Variants in TSNARE1 observed in about 807,000 individuals in gnomAD.
TSNARE1 encodes the protein t-SNARE domain containing 1, also known as t-SNARE domain-containing protein 1.
Under a neutral mutation model 62.0 loss-of-function variants are expected in TSNARE1, and 49 were observed. That is an observed-to-expected ratio of 0.79 (90% CI 0.63 to 1.00). The LOEUF (loss-of-function observed/expected upper bound fraction) is 1.00. Ranked by LOEUF, TSNARE1 falls within the 50% of genes least tolerant of loss-of-function variation. The pLI is 0.00. For missense variants in TSNARE1, 755 were observed against 700.1 expected, an observed-to-expected ratio of 1.08 and a Z score of -0.88; for synonymous variants, 328 against 294.4, an observed-to-expected ratio of 1.11 and a Z score of -1.17.
At position 142,315,176 on chromosome 8, in the gene TSNARE1, G is replaced by A. The variant is rs542889088; in HGVS notation, c.985-84C>T. On this transcript the variant is annotated intron_variant, in intron 7 of 13. Transcript: ENST00000524325. ...CACCACCCACACCTCCTCCCGTACCGATGTCCCACCTTCCCACACTCAGAA... is the reference window on the plus strand; with the variant it reads ...CACCACCCACACCTCCTCCCGTACCAATGTCCCACCTTCCCACACTCAGAA... The A allele has an allele frequency of 2.1e-5, 29 of 1,370,574 alleles. No homozygotes were observed. In the African/African-American group the frequency reaches 2.7e-4, roughly 13 times the overall value. The allele number at this position is 1,370,574 out of a possible 1,614,324, so 84.9% of individuals were successfully genotyped here.
intron 6 of TSNARE1, among the ~76,000 whole-genome samples, chr8:142,328,009 C>G (rs1830499969): frequency 6.6e-6 from 1 of 152,138 alleles, no homozygotes; most frequent in South Asian, 2.1e-4. Context: ...CGCTGCATGC[C>G]CCAGGCAGAT....
intron 12 of TSNARE1, among the ~76,000 whole-genome samples, chr8:142,255,401 TCAC>T (rs1456866667): frequency 7.6e-6 from 1 of 130,792 alleles, no homozygotes; most frequent in Non-Finnish European, 1.6e-5. Context: ...ACCATTACCA[TCAC>T]CACCACCATC....
intron 13 of TSNARE1, among the ~76,000 whole-genome samples, chr8:142,223,967 G>T (rs1204587972): frequency 8.8e-5 from 1 of 11,380 alleles, no homozygotes; most frequent in Non-Finnish European, 2.5e-4. Context: ...TGCCAAGGGA[G>T]CCCAGGCAGG....
chr8:142,233,262 G>A (rs1817214615), intron 12 of TSNARE1, among the ~76,000 whole-genome samples: 1 of 152,238 alleles, frequency 6.6e-6, no homozygotes, highest in South Asian at 2.1e-4. Context: ...CGAAGAGCTG[G>A]CACAGCTTTC....
chr8:142,387,916 A>G (rs10091129), intron 1 of TSNARE1, among the ~76,000 whole-genome samples: 30,716 of 152,184 alleles, frequency 0.2, 3,214 homozygotes, highest in East Asian at 0.28. Flanking sequence ...TGAAGCAACT[A>G]TAATGTTGAT....
intron 11 of TSNARE1, chr8:142,275,598 G>T (rs1820338822): frequency 2.0e-6 from 2 of 985,374 alleles, no homozygotes; most frequent in African/African-American, 1.7e-5. Context: ...CACAGCCGGG[G>T]TCCTCAACAG....
At chr8:142,336,475 A>G (rs1224953562) in intron 4 of TSNARE1, among the ~76,000 whole-genome samples, 1 of 152,162 alleles carries the variant, frequency 6.6e-6, no homozygotes, top group African/African-American at 2.4e-5. Flanking sequence ...TATAATAGAA[A>G]TAAAAGAAGG....
At chr8:142,224,147 C>T (rs11167135) in intron 13 of TSNARE1, among the ~76,000 whole-genome samples, 46,104 of 152,082 alleles carry the variant, frequency 0.3, 8,208 homozygotes, top group Non-Finnish European at 0.4. Context: ...GGCCTCCTCA[C>T]CAAGCAATGG....
Position 142,314,458 on chromosome 8 carries a change from A to C in TSNARE1, c.1075-18T>G. 6.2e-7 allele frequency: 1 copy of C among 1,612,660 alleles called. No homozygotes were observed. The highest frequency in any genetic ancestry group is 1.3e-5 in the African/African-American group (1 of 75,026). On this transcript the variant is annotated intron_variant, in intron 8 of 13. Transcript: ENST00000524325. ...GCAATTTTCTGTTGAAAAAAGGACA[A>C]GAGAAGAAAGACAGGAAGAGCAAAA... is the stretch of plus-strand genomic sequence containing the variant.
At chr8:142,331,699 C>T in intron 5 of TSNARE1, 55 bp downstream of exon 5, 3 of 1,513,432 alleles carry the variant, frequency 2.0e-6, no homozygotes, top group South Asian at 1.2e-5. Context: ...AATGTCGCAT[C>T]AGTGGTCCAG....
At chr8:142,284,345 T>C in intron 11 of TSNARE1, 68 bp downstream of exon 11, 1 of 1,319,692 alleles carries the variant, frequency 7.6e-7, no homozygotes, top group Non-Finnish European at 1.1e-6. Flanking sequence ...GGTGAAGGGG[T>C]GAGGGCTGGG....
intron 1 of TSNARE1, among the ~76,000 whole-genome samples, chr8:142,396,158 C>T (rs1837880811): frequency 6.6e-6 from 1 of 152,110 alleles, no homozygotes; most frequent in African/African-American, 2.4e-5. Flanking sequence ...CCCTCCAATG[C>T]CCAGCTTCCC....
At chr8:142,239,005 C>A (rs1281670739) in intron 12 of TSNARE1, among the ~76,000 whole-genome samples, 3 of 152,158 alleles carry the variant, frequency 2.0e-5, no homozygotes, top group Non-Finnish European at 2.9e-5. Flanking sequence ...CCTGGCACTG[C>A]AGACTCCATG....
rs1287064658 is a variant in TSNARE1, at chr8:142,227,487, AT to A, written c.*11+1985del. On this transcript the variant is annotated intron_variant, in intron 13 of 13. Coordinates refer to ENST00000524325, the MANE Select transcript of TSNARE1 (RefSeq NM_145003.5). ...CAACCACAATGGCAGCCAGGCCCCCATTCCTGCCCATAACCCCAGTGACAGC... is the reference window on the plus strand; with the variant it reads ...CAACCACAATGGCAGCCAGGCCCCCATCCTGCCCATAACCCCAGTGACAGC... Among the ~76,000 whole-genome samples the A allele has an allele frequency of 1.4e-3, 150 of 110,530 alleles. 2 individuals carry two copies. The highest frequency in any genetic ancestry group is 4.6e-3 in the African/African-American group (143 of 31,352). The allele number at this position is 110,530 out of a possible 152,430, so 72.5% of individuals were successfully genotyped here. A position where few individuals can be genotyped will look rare whatever the true frequency, so the allele number is the denominator to read the frequency against.
intron 1 of TSNARE1, among the ~76,000 whole-genome samples, chr8:142,362,492 T>C (rs1835238404): frequency 6.6e-6 from 1 of 152,174 alleles, no homozygotes; most frequent in East Asian, 1.9e-4. Flanking sequence ...CAGGGGAGTC[T>C]GTAAGGAAAG....
At chr8:142,353,351 T>C (rs1188005538) in intron 2 of TSNARE1, among the ~76,000 whole-genome samples, 1 of 152,066 alleles carries the variant, frequency 6.6e-6, no homozygotes, top group Non-Finnish European at 1.5e-5. Flanking sequence ...CAGCAGACGC[T>C]GTATCAATGG....
At position 142,366,608 on chromosome 8, in the gene TSNARE1, T is replaced by C. The variant is rs555192398; in HGVS notation, c.-39-11845A>G. Among the ~76,000 whole-genome samples, 14 of 152,262 alleles carry C rather than the reference T, an allele frequency of 9.2e-5. No individual in the cohort carries two copies. In the East Asian group the frequency reaches 2.7e-3, roughly 29 times the overall value. Reference sequence around the variant, plus strand: ...AACAGAGTTGAACGCTCATTCCTGATGAAAACACAAGAAGCTGTCTTATAA... The same window carrying C: ...AACAGAGTTGAACGCTCATTCCTGACGAAAACACAAGAAGCTGTCTTATAA... On this transcript the variant is annotated intron_variant, in intron 1 of 13. Transcript: ENST00000524325.
In TSNARE1 at chr8:142,273,423, G is replaced by A. The variant is rs1055518766; in HGVS notation, c.1446+1358C>T. ...CCTTCTGCCTCCTGGAGGCCCCTGG[G>A]CCTAGCTGCCCTCAGCGACTAGAGG... On this transcript the variant is annotated intron_variant, in intron 12 of 13. Transcript: ENST00000524325. The A allele has an allele frequency of 5.1e-6, 5 of 985,304 alleles. No individual in the cohort carries two copies. In the African/African-American group the frequency reaches 8.7e-5, roughly 17 times the overall value. 61.0% of individuals were successfully genotyped at this position (985,304 alleles called of 1,614,324 possible).
intron 1 of TSNARE1, among the ~76,000 whole-genome samples, chr8:142,379,973 C>G (rs1836615615): frequency 6.6e-6 from 1 of 152,226 alleles, no homozygotes; most frequent in Non-Finnish European, 1.5e-5. Context: ...CTGCCCCCAG[C>G]AGAGGAGAGA....
Sources: allele counts gnomAD v4.1 joint callset (sites outside exome capture counted in the v4.1 genomes callset), GRCh38; gene constraint gnomAD v4.1.1; transcripts MANE v1.5; gene names NCBI Gene and HGNC (gene_info 2026-07-23, HGNC 2026-07-21).